PAX2: variants seen among roughly 807,000 people sequenced by gnomAD.
PAX2 encodes the protein paired box 2, also known as paired box protein Pax-2.
A neutral mutation model predicts 41.7 loss-of-function variants in PAX2; 9 were observed. The observed-to-expected ratio is 0.22, with a 90% CI of 0.13 to 0.38. The LOEUF is 0.38. PAX2 is among the 10% of genes least tolerant of loss of function. The pLI is 1.00. For missense variants in PAX2, 418 were observed against 531.6 expected, an observed-to-expected ratio of 0.79 and a Z score of 2.10; for synonymous variants, 221 against 212.7, an observed-to-expected ratio of 1.04 and a Z score of -0.34.
rs192132418 is a variant in PAX2, at chr10:100,828,130, T to C, written c.*511T>C. 1.2e-4 allele frequency: 27 copies of C among 231,126 alleles called. No homozygotes were observed. In the East Asian group the frequency reaches 1.7e-3, roughly 14 times the overall value. 14.3% of individuals were successfully genotyped at this position (231,126 alleles called of 1,614,324 possible). A position where few individuals can be genotyped will look rare whatever the true frequency, so the allele number is the denominator to read the frequency against. ...AAGGAGATTAAGAAGAAAACGACTT[T>C]CTGCAGGAGGAAGAGCCCGCTGCCG... On this transcript the variant is annotated 3_prime_UTR_variant, in exon 10 of 10. Transcript: ENST00000355243. This position sits in a 1 kb window ranked among gnomAD's most constrained non-coding sequence, Gnocchi z 6.5.
At chr10:100,772,397 A>C (rs886741681) in intron 3 of PAX2, among the ~76,000 whole-genome samples, 9 of 152,142 alleles carry the variant, frequency 5.9e-5, no homozygotes, top group African/African-American at 2.2e-4. Context: ...CAAGTGATCC[A>C]CCTGCCTCAG....
At chr10:100,764,270 A>C (rs2133864756) in intron 3 of PAX2, among the ~76,000 whole-genome samples, 1 of 149,818 alleles carries the variant, frequency 6.7e-6, no homozygotes, top group African/African-American at 2.5e-5. Context: ...CAGCCTCCTG[A>C]GTACCTGGGA....
At chr10:100,749,606 C>G (rs1845356478) in intron 1 of PAX2, 140 bp from the exon 2 acceptor site, 1 of 1,450,132 alleles carries the variant, frequency 6.9e-7, no homozygotes, top group Non-Finnish European at 9.1e-7. Context: ...TCGTGGAGGT[C>G]CACCACCTTT....
At chr10:100,806,273 G>T (rs1847776946) in intron 5 of PAX2, among the ~76,000 whole-genome samples, 157 bp from the exon 6 acceptor site, 1 of 152,224 alleles carries the variant, frequency 6.6e-6, no homozygotes, top group Admixed American at 6.5e-5. Context: ...GCCACCCTCT[G>T]GTGTCAGCCC....
chr10:100,829,793 C>T lies in PAX2; in HGVS notation c.*2174C>T, dbSNP rs1848725909. ...GGCTGGCCGGGCAGAGACCCCGGAC[C>T]CAGGCCCAGGCCTAACCTGCTAAAT... On this transcript the variant is annotated 3_prime_UTR_variant, in exon 10 of 10. Coordinates refer to ENST00000355243, the MANE Select transcript of PAX2 (RefSeq NM_000278.5). 4.9e-6 allele frequency: 1 copy of T among 203,800 alleles called. No individual in the cohort carries two copies. The allele number at this position is 203,800 out of a possible 1,614,324, so 12.6% of individuals were successfully genotyped here.
At chr10:100,804,271 T>TACACACACACAC (rs10639967) in intron 5 of PAX2, among the ~76,000 whole-genome samples, 1,651 of 147,838 alleles carry the variant, frequency 0.011, 35 homozygotes, top group African/African-American at 0.039. Flanking sequence ...GTTCAGCCCC[T>TACACACACACAC]ACACACACAC....
chr10:100,778,200 C>T (rs902766737), intron 3 of PAX2, among the ~76,000 whole-genome samples: 2 of 152,224 alleles, frequency 1.3e-5, no homozygotes, highest in Non-Finnish European at 2.9e-5. Context: ...ACTCAGGGCC[C>T]CTGCCATGCA....
chr10:100,796,487 C>T (rs866533469), intron 5 of PAX2, among the ~76,000 whole-genome samples: 50 of 152,168 alleles, frequency 3.3e-4, no homozygotes, highest in African/African-American at 1.1e-3. Flanking sequence ...TGTGCAACAA[C>T]AGTGATTTTC....
rs568528259 is a variant in PAX2 at position 100,770,361 on chromosome 10, T to A, written c.411-9137T>A. On this transcript the variant is annotated intron_variant, in intron 3 of 9. Coordinates refer to ENST00000355243, the MANE Select transcript of PAX2 (RefSeq NM_000278.5). The stretch of plus-strand genomic sequence containing the variant: ...TCATGGGGGTGGACAGCTGGTAGAT[T>A]CCAGCTCTAGCCAGAAGCTCTGACA... Among the ~76,000 whole-genome samples the A allele has an allele frequency of 5.1e-4, 77 of 152,310 alleles. 2 individuals are homozygous for A. The highest frequency in any genetic ancestry group is 1.8e-3 in the African/African-American group (76 of 41,564).
At position 100,752,001 on chromosome 10, in the gene PAX2, G is replaced by A. The variant is rs142440474; in HGVS notation, c.410+1110G>A. On this transcript the variant is annotated intron_variant, in intron 3 of 9. Coordinates refer to ENST00000355243, the MANE Select transcript of PAX2 (RefSeq NM_000278.5). ...CACATGGTGCCTTATTCTGAAATTG[G>A]CATCACATATAAAGGATTTTTTAAA... Among the ~76,000 whole-genome samples, 1,314 of 152,264 alleles carry A rather than the reference G, an allele frequency of 8.6e-3. 10 individuals are homozygous for A. The highest frequency in any genetic ancestry group is 0.037 in the Middle Eastern group (11 of 294).
intron 7 of PAX2, among the ~76,000 whole-genome samples, chr10:100,810,895 C>A (rs1847969988): frequency 6.6e-6 from 1 of 152,192 alleles, no homozygotes. Context: ...CCAGCTCAGC[C>A]TGGGAACATC....
At chr10:100,809,278 G>A (rs983434856) in intron 7 of PAX2, 42 bp downstream of exon 7, 4 of 1,598,028 alleles carry the variant, frequency 2.5e-6, no homozygotes, top group African/African-American at 2.7e-5. Flanking sequence ...GCGTTCAGTG[G>A]AGGGTGCCTC....
chr10:100,749,960 C>T (rs750793350), intron 2 of PAX2, 46 bp downstream of exon 2: 6 of 1,594,678 alleles, frequency 3.8e-6, no homozygotes, highest in Admixed American at 3.4e-5. Flanking sequence ...CCTACTTCCC[C>T]GGCCAGCCCT....
upstream of PAX2, among the ~76,000 whole-genome samples, chr10:100,742,819 T>A (rs1223498270): frequency 6.7e-6 from 1 of 150,264 alleles, no homozygotes; most frequent in Non-Finnish European, 1.5e-5. Flanking sequence ...TTCTCTTTCT[T>A]TTCCCCTTTC....
intron 7 of PAX2, among the ~76,000 whole-genome samples, chr10:100,823,592 G>A (rs1318097010): frequency 6.6e-6 from 1 of 152,194 alleles, no homozygotes; most frequent in Non-Finnish European, 1.5e-5. Flanking sequence ...ATAGACAGAG[G>A]CATTAGAGTA....
intron 7 of PAX2, among the ~76,000 whole-genome samples, chr10:100,816,833 G>T (rs1414766291): frequency 1.3e-5 from 2 of 152,194 alleles, no homozygotes; most frequent in Non-Finnish European, 2.9e-5. Flanking sequence ...GGGCTGGCAG[G>T]CAGGGAAGGA....
At position 100,827,027 on chromosome 10, in the gene PAX2, A is replaced by T. The variant is rs748489201; in HGVS notation, c.1040A>T (p.Asn347Ile). Residue 347 changes from asparagine to isoleucine, a missense_variant, in exon 9 of 10, where the codon AAC becomes ATC. Asn to Ile is a moderately radical substitution (Grantham distance 149, BLOSUM62 -3). Coordinates refer to ENST00000355243, the MANE Select transcript of PAX2 (RefSeq NM_000278.5). This position sits in a 1 kb window ranked among gnomAD's most constrained non-coding sequence, Gnocchi z 8.5. The part of the protein sequence containing the change: ...GMVPGSEFSG[N>I]PYSHPQYTAY... ...CCCGCAGGGAGCGAGTTCTCCGGCA[A>T]CCCGTACAGCCACCCCCAGTACACG... 1 of 1,613,424 alleles carries T rather than the reference A, an allele frequency of 6.2e-7. No homozygotes were observed. Among genetic ancestry groups the T allele is most frequent in the Non-Finnish European group, 8.5e-7 (1 of 1,179,432 alleles).
At chr10:100,744,228 CG>C (rs1164354645), upstream of PAX2, among the ~76,000 whole-genome samples, 2 of 152,200 alleles carry the variant, frequency 1.3e-5, no homozygotes, top group Non-Finnish European at 2.9e-5. Context: ...GAGCTGCAGA[CG>C]GGGGCTGGAG....
chr10:100,754,308 G>T (rs991876192), intron 3 of PAX2, among the ~76,000 whole-genome samples: 1 of 152,210 alleles, frequency 6.6e-6, no homozygotes, highest in African/African-American at 2.4e-5. Context: ...AGAGTCTGGG[G>T]TTACTGACAA....
Sources: gnomAD v4.1 joint callset for allele counts (sites outside exome capture counted in the v4.1 genomes callset) on GRCh38, gnomAD v4.1.1 for gene constraint, Gnocchi (gnomAD v3.1) non-coding constraint, MANE v1.5 for transcripts, NCBI Gene and HGNC (gene_info 2026-07-23, HGNC 2026-07-21) for gene names.